KSR1: variants seen among roughly 807,000 people sequenced by gnomAD.
KSR1 encodes the protein kinase suppressor of ras 1, also known as kinase suppressor of ras.
In KSR1, 35 loss-of-function variants were observed where a neutral mutation model predicts 92.9. The ratio of observed to expected loss-of-function variants is 0.38; its 90% CI spans 0.29 to 0.50. KSR1 has a LOEUF of 0.50. Among genes scored for constraint, KSR1 ranks in the 20% least tolerant of loss-of-function variants. KSR1 has a pLI of 0.94. For synonymous variants in KSR1, 467 were observed against 472.6 expected (o/e 0.99, Z 0.15); for missense variants, 972 against 1,158.5 (o/e 0.84, Z 2.34).
chr17:27,461,772 C>T (rs531195055), intron 1 of KSR1, among the ~76,000 whole-genome samples: 1 of 146,300 alleles, frequency 6.8e-6, no homozygotes, highest in East Asian at 2.1e-4. Flanking sequence ...ATGGGAATGC[C>T]TTCTTCCACG....
intron 1 of KSR1, among the ~76,000 whole-genome samples, chr17:27,482,793 G>C (rs1425284114): frequency 6.6e-6 from 1 of 152,212 alleles, no homozygotes; most frequent in African/African-American, 2.4e-5. Context: ...AATAAGTGGA[G>C]GGAAAGTGAA....
At chr17:27,475,087 G>A (rs971892205) in intron 1 of KSR1, among the ~76,000 whole-genome samples, 1 of 152,156 alleles carries the variant, frequency 6.6e-6, no homozygotes, top group African/African-American at 2.4e-5. Context: ...GTAGAGAAGG[G>A]CTCCATGGGG....
intron 1 of KSR1, among the ~76,000 whole-genome samples, chr17:27,458,746 C>G (rs749362002): frequency 2.0e-4 from 31 of 152,160 alleles, no homozygotes; most frequent in Non-Finnish European, 1.5e-4. Flanking sequence ...ACTCCACTTC[C>G]TGAAAAGGCA....
chr17:27,496,020 T>G (rs9910137), intron 1 of KSR1, among the ~76,000 whole-genome samples: 75,003 of 152,002 alleles, frequency 0.49, 19,576 homozygotes, highest in East Asian at 0.69. Context: ...CTGGAACGTT[T>G]TGAGTTCTGC....
At chr17:27,496,866 A>T (rs1037275028) in intron 1 of KSR1, among the ~76,000 whole-genome samples, 9 of 152,258 alleles carry the variant, frequency 5.9e-5, no homozygotes, top group African/African-American at 2.2e-4. Context: ...GCTAGCAGCC[A>T]CAGCCCTGCC....
At chr17:27,552,805 T>G (rs1022622463) in intron 2 of KSR1, among the ~76,000 whole-genome samples, 1 of 152,204 alleles carries the variant, frequency 6.6e-6, no homozygotes, top group Non-Finnish European at 1.5e-5. Context: ...GTGGCCACAG[T>G]GGGGTCCTGG....
chr17:27,589,309 C>T (rs956814003), intron 6 of KSR1, among the ~76,000 whole-genome samples: 1 of 152,160 alleles, frequency 6.6e-6, no homozygotes, highest in African/African-American at 2.4e-5. Flanking sequence ...AGCTGTTTGC[C>T]CCCAGAGTCT....
At chr17:27,543,480 G>A (rs1475385488) in intron 1 of KSR1, among the ~76,000 whole-genome samples, 2 of 152,204 alleles carry the variant, frequency 1.3e-5, no homozygotes, top group African/African-American at 4.8e-5. Context: ...TGGGGGCTGT[G>A]TCCTTTACCT....
At chr17:27,585,633 C>A in intron 4 of KSR1, 24 bp from the exon 5 acceptor site, 1 of 760,236 alleles carries the variant, frequency 1.3e-6, no homozygotes, top group East Asian at 2.5e-5. Context: ...CGTAATCCCC[C>A]TCTCTGCTTT....
At chr17:27,499,238 G>T (rs1276007564) in intron 1 of KSR1, among the ~76,000 whole-genome samples, 1 of 152,192 alleles carries the variant, frequency 6.6e-6, no homozygotes, top group Non-Finnish European at 1.5e-5. Context: ...TGGGCAGCAA[G>T]TGTAATCCAA....
At chr17:27,584,600 A>G (rs575472809) in intron 4 of KSR1, among the ~76,000 whole-genome samples, 1 of 152,328 alleles carries the variant, frequency 6.6e-6, no homozygotes, top group African/African-American at 2.4e-5. Context: ...CTGTGGTCTC[A>G]TTCCCATGCT....
chr17:27,526,421 A>T, intron 1 of KSR1: 1 of 1,544,118 alleles, frequency 6.5e-7, no homozygotes, highest in Non-Finnish European at 8.8e-7. Flanking sequence ...TTAAATGAGG[A>T]AGCAGGCCAT....
chr17:27,609,564 G>A (rs1479176057), intron 16 of KSR1, among the ~76,000 whole-genome samples: 1 of 152,242 alleles, frequency 6.6e-6, no homozygotes, highest in African/African-American at 2.4e-5. Flanking sequence ...TGCCCTGGCT[G>A]TTCACCCGCT....
In KSR1 at chr17:27,583,006, G is replaced by A. The variant is rs752216267; in HGVS notation, c.881G>A (p.Arg294His). The change falls in exon 4 of 21, where the codon CGC (arginine) becomes CAC (histidine). Residue 294 changes from arginine (R) to histidine (H), a missense_variant. Transcript: ENST00000644974. ...CCACGGACGCCCCCCCCACCCAGCCGCAAGGTCTTCCAGCTGCTGCCCAGC... is the reference window on the plus strand; with the variant it reads ...CCACGGACGCCCCCCCCACCCAGCCACAAGGTCTTCCAGCTGCTGCCCAGC... ...KPPRTPPPPS[R>H]KVFQLLPSFP... 51 of 1,418,964 alleles carry A rather than the reference G, an allele frequency of 3.6e-5. No homozygotes were observed. The highest frequency in any genetic ancestry group is 4.3e-5 in the Non-Finnish European group (46 of 1,065,768). 87.9% of individuals were successfully genotyped at this position (1,418,964 alleles called of 1,614,324 possible).
intron 2 of KSR1, among the ~76,000 whole-genome samples, chr17:27,558,678 TTGTC>T (rs1475593809): frequency 4.0e-5 from 6 of 151,426 alleles, no homozygotes; most frequent in Middle Eastern, 3.2e-3. Flanking sequence ...CTTTCAATAT[TTGTC>T]TGTCTGTCTT....
intron 10 of KSR1, among the ~76,000 whole-genome samples, chr17:27,601,109 C>T (rs1266792469): frequency 3.3e-5 from 5 of 152,254 alleles, no homozygotes; most frequent in South Asian, 2.1e-4. Flanking sequence ...TGACCGGAGA[C>T]GGGGTCTTGG....
intron 15 of KSR1, among the ~76,000 whole-genome samples, chr17:27,608,544 T>C (rs1296192656): frequency 1.3e-5 from 2 of 152,100 alleles, no homozygotes; most frequent in Non-Finnish European, 2.9e-5. Flanking sequence ...AGAGCATTGG[T>C]TAGAAATCAC....
chr17:27,566,498 G>A, intron 2 of KSR1: 1 of 399,100 alleles, frequency 2.5e-6, no homozygotes, highest in Non-Finnish European at 4.4e-6. Context: ...AGGTGTCCAG[G>A]GGCACAGGGC....
chr17:27,534,134 G>A (rs536707615), intron 1 of KSR1, among the ~76,000 whole-genome samples: 2 of 152,302 alleles, frequency 1.3e-5, no homozygotes, highest in Admixed American at 6.5e-5. Flanking sequence ...TCAGAGGTTC[G>A]TGTTGCACAG....
Sources: gnomAD v4.1 joint callset for allele counts (sites outside exome capture counted in the v4.1 genomes callset) on GRCh38, gnomAD v4.1.1 for gene constraint, MANE v1.5 for transcripts, NCBI Gene and HGNC (gene_info 2026-07-23, HGNC 2026-07-21) for gene names.